The following SNX13 variants were observed in gnomAD, a reference collection of about 807,000 sequenced individuals.
The protein encoded by SNX13 is sorting nexin 13, also known as sorting nexin-13.
Under a neutral mutation model 133.6 loss-of-function variants are expected in SNX13, and 45 were observed. The ratio of observed to expected loss-of-function variants is 0.34; its 90% confidence interval spans 0.27 to 0.43. The LOEUF (loss-of-function observed/expected upper bound fraction) is 0.43. Ranked by LOEUF, SNX13 falls within the 20% of genes least tolerant of loss-of-function variation. SNX13 has a pLI of 1.00. For synonymous variants in SNX13, 414 were observed against 373.9 expected, an observed-to-expected ratio of 1.11 and a Z score of -1.24; for missense variants, 1,032 against 1,145.1, an observed-to-expected ratio of 0.90 and a Z score of 1.43.
At chr7:17,868,311 TAATAAATTACTG>T in intron 9 of SNX13, 84 bp downstream of exon 9, 1 of 824,026 alleles carries the variant, frequency 1.2e-6, no homozygotes, top group East Asian at 2.8e-5. Flanking sequence ...TTAATTTCTT[TAATAAATTACTG>T]CTTAAACACC....
chr7:17,874,887 T>C (rs1277744098), intron 7 of SNX13, among the ~76,000 whole-genome samples: 3 of 152,236 alleles, frequency 2.0e-5, no homozygotes, highest in Non-Finnish European at 1.5e-5. Context: ...AAATATTTTA[T>C]GGTAACAGGT....
intron 13 of SNX13, 56 bp from the exon 14 acceptor site, chr7:17,834,921 C>T: frequency 9.8e-7 from 1 of 1,017,842 alleles, no homozygotes; most frequent in South Asian, 1.5e-5. Flanking sequence ...CAAGATGATA[C>T]TTGATAGTAT....
chr7:17,879,875 C>A (rs1158742250), intron 5 of SNX13: 1 of 152,178 alleles, frequency 6.6e-6, no homozygotes, highest in Non-Finnish European at 1.5e-5. Context: ...CACATCATTT[C>A]CCAAAGTTTG....
chr7:17,885,664 C>T (rs1795905995), intron 5 of SNX13, among the ~76,000 whole-genome samples: 1 of 152,094 alleles, frequency 6.6e-6, no homozygotes, highest in African/African-American at 2.4e-5. Context: ...CCCGTCTCTA[C>T]TAGAATACAA....
chr7:17,866,109 G>A (rs1434734151), intron 9 of SNX13, among the ~76,000 whole-genome samples: 1 of 152,064 alleles, frequency 6.6e-6, no homozygotes, highest in African/African-American at 2.4e-5. Context: ...GACCTCAAAA[G>A]CATAGGGAAC....
chr7:17,871,893 C>A (rs1013267736), intron 8 of SNX13, among the ~76,000 whole-genome samples: 8 of 152,128 alleles, frequency 5.3e-5, no homozygotes, highest in Admixed American at 6.5e-5. Context: ...ACATGCGAAC[C>A]TATAAGCCTC....
intron 14 of SNX13, 32 bp downstream of exon 14, chr7:17,834,729 G>C (rs937603338): frequency 7.9e-6 from 11 of 1,389,614 alleles, no homozygotes; most frequent in East Asian, 4.7e-5. Context: ...TCTCAAAAAA[G>C]ATAAAATGAT....
intron 2 of SNX13, among the ~76,000 whole-genome samples, chr7:17,895,788 TCTC>T (rs1367312313): frequency 1.3e-5 from 2 of 152,194 alleles, no homozygotes; most frequent in African/African-American, 4.8e-5. Context: ...TGATTACTCT[TCTC>T]TTTTTCCTAA....
At chr7:17,817,759 G>A (rs540623524) in intron 18 of SNX13, among the ~76,000 whole-genome samples, 20 of 151,958 alleles carry the variant, frequency 1.3e-4, no homozygotes, top group East Asian at 3.9e-4. Context: ...AAAAATTTTC[G>A]AAGTAAATTT....
chr7:17,892,147 G>A (rs1377026160), intron 3 of SNX13, among the ~76,000 whole-genome samples: 1 of 151,414 alleles, frequency 6.6e-6, no homozygotes, highest in Non-Finnish European at 1.5e-5. Flanking sequence ...GGTAGTGGGA[G>A]ATTCTTAAAA....
intron 20 of SNX13, among the ~76,000 whole-genome samples, chr7:17,813,163 G>A (rs1257922682): frequency 6.6e-6 from 1 of 152,014 alleles, no homozygotes; most frequent in Non-Finnish European, 1.5e-5. Context: ...GGACATACAC[G>A]TGTGCTATTG....
intron 15 of SNX13, chr7:17,831,019 C>T (rs891554261): frequency 1.2e-5 from 12 of 984,224 alleles, no homozygotes; most frequent in Non-Finnish European, 1.4e-5. Context: ...CTTGGTGATA[C>T]TTAAAATAAG....
At position 17,907,026 on chromosome 7, in the gene SNX13, G is replaced by A. The variant is rs369231236; in HGVS notation, c.13-9580C>T. Among the ~76,000 whole-genome samples the A allele has an allele frequency of 1.2e-4, 18 of 152,156 alleles. No homozygotes were observed. In the East Asian group the frequency reaches 1.5e-3, roughly 13 times the overall value. On this transcript the variant is annotated intron_variant, in intron 1 of 25. Coordinates refer to ENST00000428135, the MANE Select transcript of SNX13 (RefSeq NM_015132.5). Reference sequence around the variant, plus strand: ...TTCATGTTGGTTATGTTCTTGGGGCGAAACACCAAGTATTTTTTGTATTGT... The same window carrying A: ...TTCATGTTGGTTATGTTCTTGGGGCAAAACACCAAGTATTTTTTGTATTGT...
intron 20 of SNX13, among the ~76,000 whole-genome samples, chr7:17,808,757 T>C (rs1785625380): frequency 2.0e-5 from 3 of 152,260 alleles, no homozygotes; most frequent in Admixed American, 1.3e-4. Flanking sequence ...AGCAGATCTC[T>C]TGGCAGAATC....
At chr7:17,883,185 A>C (rs1469147981) in intron 5 of SNX13, among the ~76,000 whole-genome samples, 1 of 152,226 alleles carries the variant, frequency 6.6e-6, no homozygotes, top group African/African-American at 2.4e-5. Flanking sequence ...AATGCTTCAA[A>C]GAGATTCCAA....
intron 25 of SNX13, chr7:17,794,569 T>A (rs1783850728): frequency 6.3e-6 from 2 of 315,164 alleles, no homozygotes; most frequent in Non-Finnish European, 5.9e-6. Context: ...AAACTATGAT[T>A]ACAAACATGT....
At chr7:17,863,094 G>A (rs893848226) in intron 9 of SNX13, among the ~76,000 whole-genome samples, 1 of 152,148 alleles carries the variant, frequency 6.6e-6, no homozygotes, top group Non-Finnish European at 1.5e-5. Context: ...TCACAGCACA[G>A]GACAGAATTC....
chr7:17,894,170 A>G (rs1449637811), intron 2 of SNX13, among the ~76,000 whole-genome samples: 1 of 150,420 alleles, frequency 6.6e-6, no homozygotes, highest in African/African-American at 2.4e-5. Context: ...GGGTGTGGTG[A>G]CATGCACCTG....
At position 17,826,079 on chromosome 7, in the gene SNX13, G is replaced by C. The variant is rs1382684914; in HGVS notation, c.1648C>G (p.Leu550Val). ...TGSINLSLDDLSNVSSDDSVQ... is the reference protein window; with the variant it reads ...TGSINLSLDDVSNVSSDDSVQ... ...GAGTCATCAGAAGAAACATTTGAAAGGTCATCTAAAGACTGAGAAAAAAAA... is the reference window on the plus strand; with the variant it reads ...GAGTCATCAGAAGAAACATTTGAAACGTCATCTAAAGACTGAGAAAAAAAA... Residue 550 changes from leucine (L) to valine (V), a missense_variant, in exon 17 of 26, where the codon CTT (leucine) becomes GTT (valine). Transcript: ENST00000428135. 3 of 1,546,952 alleles carry C rather than the reference G, an allele frequency of 1.9e-6. No individual in the cohort carries two copies. In the Admixed American group the frequency reaches 5.7e-5, roughly 30 times the overall value.
Sources: gnomAD v4.1 joint callset for allele counts (sites outside exome capture counted in the v4.1 genomes callset) on GRCh38, gnomAD v4.1.1 for gene constraint, MANE v1.5 for transcripts, NCBI Gene and HGNC (gene_info 2026-07-23, HGNC 2026-07-21) for gene names.